Variants in EPS15 observed in about 807,000 individuals in gnomAD.
EPS15 encodes the protein epidermal growth factor receptor substrate 15.
A neutral mutation model predicts 113.8 loss-of-function variants in EPS15; 72 were observed. The observed-to-expected ratio is 0.63, with a 90% CI of 0.52 to 0.77. EPS15 has a LOEUF of 0.77. Among genes scored for constraint, EPS15 ranks in the 30% least tolerant of loss-of-function variants. The pLI, the probability that EPS15 is intolerant of heterozygous loss-of-function variation, is 0.00. For missense variants in EPS15, 1,048 were observed against 1,045.8 expected (o/e 1.00, Z -0.03); for synonymous variants, 344 against 363.4 (o/e 0.95, Z 0.61).
chr1:51,436,375 A>G (rs1006612933), intron 12 of EPS15, among the ~76,000 whole-genome samples: 1 of 151,552 alleles, frequency 6.6e-6, no homozygotes, highest in East Asian at 1.9e-4. Flanking sequence ...TCCAGATAAA[A>G]GACAAAGGCT....
intron 21 of EPS15, among the ~76,000 whole-genome samples, chr1:51,384,853 G>A (rs72694161): frequency 0.022 from 3,390 of 152,160 alleles, 33 homozygotes; most frequent in Middle Eastern, 0.034. Context: ...GAAAAAGGAC[G>A]GTCTTCACAA....
intron 1 of EPS15, among the ~76,000 whole-genome samples, chr1:51,513,841 T>G (rs1644668517): frequency 6.6e-6 from 1 of 152,184 alleles, no homozygotes; most frequent in African/African-American, 2.4e-5. Context: ...AATCAATTTC[T>G]CTAAATGTTT....
intron 21 of EPS15, among the ~76,000 whole-genome samples, chr1:51,377,341 T>C (rs1557779214): frequency 6.6e-6 from 1 of 152,156 alleles, no homozygotes; most frequent in African/African-American, 2.4e-5. Context: ...TTGAAAGAAG[T>C]TACATCCAAC....
intron 21 of EPS15, among the ~76,000 whole-genome samples, chr1:51,366,353 C>A (rs1222020128): frequency 6.6e-6 from 1 of 152,178 alleles, no homozygotes; most frequent in Admixed American, 6.5e-5. Context: ...TAGGCATGAG[C>A]CACCAAACCC....
chr1:51,421,079 T>C (rs1650708300), intron 13 of EPS15, among the ~76,000 whole-genome samples: 1 of 152,036 alleles, frequency 6.6e-6, no homozygotes, highest in Non-Finnish European at 1.5e-5. Flanking sequence ...CATTGCTTAC[T>C]GCTCTAAGTG....
intron 1 of EPS15, among the ~76,000 whole-genome samples, chr1:51,493,228 G>A (rs1276377459): frequency 6.6e-6 from 1 of 152,134 alleles, no homozygotes; most frequent in African/African-American, 2.4e-5. Context: ...AGACGTGGTG[G>A]TGGGCGCCTG....
At chr1:51,460,211 A>T (rs1445797220) in intron 8 of EPS15, among the ~76,000 whole-genome samples, 1 of 152,216 alleles carries the variant, frequency 6.6e-6, no homozygotes, top group Non-Finnish European at 1.5e-5. Context: ...CCTTACCAAA[A>T]TAAAAAGAGA....
chr1:51,471,866 G>C (rs1486067959), intron 3 of EPS15, 129 bp from the exon 4 acceptor site: 1 of 754,086 alleles, frequency 1.3e-6, no homozygotes, highest in African/African-American at 1.8e-5. Context: ...AGAATTAAGA[G>C]TGGAAAGAAC....
chr1:51,452,008 A>G (rs1490625647), intron 8 of EPS15, among the ~76,000 whole-genome samples: 2 of 151,666 alleles, frequency 1.3e-5, no homozygotes, highest in Non-Finnish European at 2.9e-5. Context: ...CAGTCTCCCA[A>G]GTAGCTGGGT....
At chr1:51,357,376 G>GAAAAAAAAAAAAAAA (rs56655497) in intron 24 of EPS15, among the ~76,000 whole-genome samples, 2 of 33,116 alleles carry the variant, frequency 6.0e-5, no homozygotes, top group African/African-American at 3.9e-4. Flanking sequence ...GATTCCATCT[G>GAAAAAAAAAAAAAAA]AAAAAAAAAA....
intron 12 of EPS15, among the ~76,000 whole-genome samples, chr1:51,435,184 CTTTT>C (rs1178623370): frequency 6.6e-6 from 1 of 150,848 alleles, no homozygotes; most frequent in Non-Finnish European, 1.5e-5. Flanking sequence ...TTTTCTTTTT[CTTTT>C]TTCTTTTTTC....
chr1:51,493,015 C>T (rs1234056498), intron 1 of EPS15, among the ~76,000 whole-genome samples: 1 of 152,042 alleles, frequency 6.6e-6, no homozygotes, highest in Non-Finnish European at 1.5e-5. Flanking sequence ...ATCACAAGAT[C>T]AGGAGTTCGA....
At chr1:51,420,506 G>A (rs1650652420) in intron 13 of EPS15, among the ~76,000 whole-genome samples, 1 of 152,154 alleles carries the variant, frequency 6.6e-6, no homozygotes, top group Admixed American at 6.6e-5. Flanking sequence ...AACTTGTGTA[G>A]ATTATTTTAT....
chr1:51,356,576 C>A lies in EPS15; in HGVS notation c.*124G>T. On this transcript the variant is annotated 3_prime_UTR_variant, in exon 25 of 25. Coordinates refer to ENST00000371733, the MANE Select transcript of EPS15 (RefSeq NM_001981.3). ...AAAAAAAAATCCTAAAATTTTGTCA[C>A]ATTTACAGGAATCTCAAACCTTTTG... is the stretch of plus-strand genomic sequence containing the variant. 2.1e-5 allele frequency: 15 copies of A among 717,608 alleles called. No homozygotes were observed. Among genetic ancestry groups the A allele is most frequent in the South Asian group, 8.3e-5 (3 of 36,106 alleles). 44.5% of individuals were successfully genotyped at this position (717,608 alleles called of 1,614,324 possible). A position where few individuals can be genotyped will look rare whatever the true frequency, so the allele number is the denominator to read the frequency against.
chr1:51,489,192 AAT>A lies in EPS15; in HGVS notation c.34-7880_34-7879del, dbSNP rs1422275792. Reference sequence around the variant, plus strand: ...GAACTGCTATTTTTGTTAAGGAAAAAATATGTTATTATAATTACATATATAGC... The same window carrying A: ...GAACTGCTATTTTTGTTAAGGAAAAAATGTTATTATAATTACATATATAGC... On this transcript the variant is annotated intron_variant, in intron 1 of 24. Coordinates refer to ENST00000371733, the MANE Select transcript of EPS15 (RefSeq NM_001981.3). Among the ~76,000 whole-genome samples, 42 of 151,358 alleles carry A rather than the reference AAT, an allele frequency of 2.8e-4. 1 individual carries two copies. Among genetic ancestry groups the A allele is most frequent in the Non-Finnish European group, 8.8e-5 (6 of 67,836 alleles).
intron 13 of EPS15, among the ~76,000 whole-genome samples, chr1:51,416,028 C>A (rs1347199380): frequency 2.0e-5 from 3 of 152,050 alleles, no homozygotes; most frequent in Non-Finnish European, 4.4e-5. Context: ...TACTTAGCAA[C>A]TTTATTTTGG....
intron 1 of EPS15, among the ~76,000 whole-genome samples, chr1:51,516,679 A>G (rs2148573481): frequency 6.6e-6 from 1 of 152,362 alleles, no homozygotes; most frequent in African/African-American, 2.4e-5. Context: ...GCAAGAAATT[A>G]TAAACACGAT....
chr1:51,445,806 T>C (rs1055009511), intron 10 of EPS15, among the ~76,000 whole-genome samples: 3 of 152,242 alleles, frequency 2.0e-5, no homozygotes, highest in Non-Finnish European at 4.4e-5. Context: ...GCTAAGTTTT[T>C]TAACCTCTCC....
chr1:51,505,776 A>T (rs1460442062), intron 1 of EPS15, among the ~76,000 whole-genome samples: 1 of 152,088 alleles, frequency 6.6e-6, no homozygotes, highest in Non-Finnish European at 1.5e-5. Context: ...ACAATGTTTA[A>T]ATATTTTATT....
Sources: allele counts gnomAD v4.1 joint callset (sites outside exome capture counted in the v4.1 genomes callset), GRCh38; gene constraint gnomAD v4.1.1; transcripts MANE v1.5; gene names NCBI Gene and HGNC (gene_info 2026-07-23, HGNC 2026-07-21).